The following MNAT1 variants were observed in gnomAD, a reference collection of about 807,000 sequenced individuals.
The protein encoded by MNAT1 is CDK-activating kinase assembly factor MAT1.
A neutral mutation model predicts 42.0 loss-of-function variants in MNAT1; 43 were observed. The observed-to-expected ratio is 1.02, with a 90% CI of 0.80 to 1.32. MNAT1 has a LOEUF of 1.32. Among genes scored for constraint, MNAT1 ranks in the 40% most tolerant of loss-of-function variants. The probability of loss-of-function intolerance (pLI) is 0.00; values close to 1 mark genes in which losing one functional copy is unlikely to be tolerated. For synonymous variants in MNAT1, 118 were observed against 120.0 expected (o/e 0.98, Z 0.11); for missense variants, 306 against 350.4 (o/e 0.87, Z 1.01).
At chr14:60,878,648 T>G (rs917496560) in intron 6 of MNAT1, among the ~76,000 whole-genome samples, 1 of 152,060 alleles carries the variant, frequency 6.6e-6, no homozygotes, top group South Asian at 2.1e-4. Flanking sequence ...ATGCCATGAG[T>G]ATTTTGAATT....
intron 7 of MNAT1, among the ~76,000 whole-genome samples, chr14:60,883,159 C>T (rs2034589141): frequency 6.6e-6 from 1 of 152,102 alleles, no homozygotes; most frequent in Non-Finnish European, 1.5e-5. Flanking sequence ...TTGCCCACTC[C>T]AATATCCTGG....
chr14:60,748,187 ACT>A (rs1469945021), intron 1 of MNAT1, among the ~76,000 whole-genome samples: 10 of 151,132 alleles, frequency 6.6e-5, no homozygotes, highest in Non-Finnish European at 8.8e-5. Flanking sequence ...ACAGAGCGAG[ACT>A]CTGTCTCAGA....
At chr14:60,763,566 T>G (rs1300807519) in intron 1 of MNAT1, among the ~76,000 whole-genome samples, 1 of 152,204 alleles carries the variant, frequency 6.6e-6, no homozygotes, top group Non-Finnish European at 1.5e-5. Flanking sequence ...TAATGTTCTT[T>G]CAGTTCAATT....
intron 6 of MNAT1, among the ~76,000 whole-genome samples, chr14:60,869,040 A>ATATATTTTTTTT (rs1465360826): frequency 8.8e-5 from 10 of 113,026 alleles, no homozygotes; most frequent in African/African-American, 3.1e-4. Context: ...ATATATATAT[A>ATATATTTTTTTT]TTTTTTTTTT....
At chr14:60,866,632 T>C (rs1378573604) in intron 6 of MNAT1, among the ~76,000 whole-genome samples, 1 of 152,100 alleles carries the variant, frequency 6.6e-6, no homozygotes, top group Non-Finnish European at 1.5e-5. Context: ...CATGCCTTTC[T>C]CAAAAGTAAT....
intron 6 of MNAT1, among the ~76,000 whole-genome samples, chr14:60,876,961 T>C (rs2034448896): frequency 6.6e-6 from 1 of 152,076 alleles, no homozygotes; most frequent in Non-Finnish European, 1.5e-5. Context: ...ATCCATCCAA[T>C]TGTTGGATCA....
rs193226192 is a variant in MNAT1, at chr14:60,735,133, C to T, written c.89+182C>T. Among the ~76,000 whole-genome samples the T allele has an allele frequency of 3.6e-3, 545 of 152,252 alleles. 5 individuals are homozygous for T. Among genetic ancestry groups the T allele is most frequent in the African/African-American group, 0.012 (502 of 41,550 alleles). The stretch of plus-strand genomic sequence containing the variant: ...CTGTAGCCGCTAGCCCCGAGCGGCT[C>T]TGGCCTGCTTTGAACTGCGGGTTCT... On this transcript the variant is annotated intron_variant, in intron 1 of 7. Transcript: ENST00000261245.
At chr14:60,942,211 G>T (rs1295587883) in intron 7 of MNAT1, among the ~76,000 whole-genome samples, 2 of 152,072 alleles carry the variant, frequency 1.3e-5, no homozygotes, top group Admixed American at 6.5e-5. Flanking sequence ...GTCTTAAAGA[G>T]TTCAGCCAAA....
intron 6 of MNAT1, among the ~76,000 whole-genome samples, chr14:60,852,453 T>G (rs1395710538): frequency 6.6e-6 from 1 of 152,168 alleles, no homozygotes; most frequent in African/African-American, 2.4e-5. Flanking sequence ...TAGACCTTTG[T>G]CAGATGGGTA....
rs1454996212 is a variant in MNAT1 at position 60,911,970 on chromosome 14, G to C, written c.809+32135G>C. 7.2e-5 allele frequency among the ~76,000 whole-genome samples: 11 copies of C among 152,156 alleles called. 1 individual carries two copies. The highest frequency in any genetic ancestry group is 2.7e-4 in the African/African-American group (11 of 41,506). On this transcript the variant is annotated intron_variant, in intron 7 of 7. Coordinates refer to ENST00000261245, the MANE Select transcript of MNAT1 (RefSeq NM_002431.4). ...TGTGGGAGTCTAAGTCTCTTTCTAG[G>C]TCTCTAAGGACTTGCTTTATGAATC...
intron 6 of MNAT1, among the ~76,000 whole-genome samples, chr14:60,878,142 T>C (rs1314303292): frequency 6.6e-6 from 1 of 152,090 alleles, no homozygotes; most frequent in Non-Finnish European, 1.5e-5. Flanking sequence ...GGATAGACTA[T>C]GCTTGTACAC....
chr14:60,825,890 A>G (rs935269861), intron 6 of MNAT1, among the ~76,000 whole-genome samples: 1 of 152,162 alleles, frequency 6.6e-6, no homozygotes, highest in African/African-American at 2.4e-5. Context: ...AAGTCAAAAC[A>G]CAAAATGAAG....
intron 6 of MNAT1, among the ~76,000 whole-genome samples, chr14:60,842,675 G>A (rs1466699982): frequency 6.6e-6 from 1 of 152,052 alleles, no homozygotes; most frequent in African/African-American, 2.4e-5. Context: ...AGAATTAGTT[G>A]CTTTATATTG....
chr14:60,872,397 C>T (rs904878644), intron 6 of MNAT1, among the ~76,000 whole-genome samples: 3 of 152,120 alleles, frequency 2.0e-5, no homozygotes, highest in Admixed American at 6.6e-5. Context: ...CATTACTCTT[C>T]CACCTTTCCC....
At chr14:60,762,756 CT>C (rs902064492) in intron 1 of MNAT1, among the ~76,000 whole-genome samples, 2 of 139,294 alleles carry the variant, frequency 1.4e-5, no homozygotes, top group African/African-American at 2.6e-5. Flanking sequence ...TTATGATATT[CT>C]TTTTTTTTCC....
intron 6 of MNAT1, among the ~76,000 whole-genome samples, chr14:60,858,840 A>G (rs2034026265): frequency 6.6e-6 from 1 of 152,212 alleles, no homozygotes; most frequent in Admixed American, 6.5e-5. Flanking sequence ...TTACATTAAG[A>G]TATGTGCACT....
At chr14:60,874,976 C>T (rs1008697070) in intron 6 of MNAT1, among the ~76,000 whole-genome samples, 1 of 152,040 alleles carries the variant, frequency 6.6e-6, no homozygotes, top group Non-Finnish European at 1.5e-5. Flanking sequence ...AGAACCATGG[C>T]ATCTATCTCA....
intron 7 of MNAT1, among the ~76,000 whole-genome samples, chr14:60,944,776 T>G (rs2036240263): frequency 1.3e-5 from 2 of 152,166 alleles, no homozygotes. Flanking sequence ...CACTTTAATT[T>G]CACTTTCTAG....
At chr14:60,889,847 A>G (rs1245796598) in intron 7 of MNAT1, among the ~76,000 whole-genome samples, 4 of 152,248 alleles carry the variant, frequency 2.6e-5, no homozygotes, top group Non-Finnish European at 5.9e-5. Context: ...AACACATGAA[A>G]AAATGCTCAC....
Sources: allele counts gnomAD v4.1 joint callset (sites outside exome capture counted in the v4.1 genomes callset), GRCh38; gene constraint gnomAD v4.1.1; transcripts MANE v1.5; gene names NCBI Gene and HGNC (gene_info 2026-07-23, HGNC 2026-07-21).